Variants in SLC25A42 observed in about 807,000 individuals in gnomAD.
The protein encoded by SLC25A42 is mitochondrial coenzyme A transporter SLC25A42.
SLC25A42 carries 19 observed loss-of-function variants against 34.7 expected under a neutral mutation model. The ratio of observed to expected loss-of-function variants is 0.55; its 90% CI spans 0.38 to 0.80. SLC25A42 has a LOEUF of 0.80. SLC25A42 is among the 30% of genes least tolerant of loss of function. The pLI is 0.00. For synonymous variants in SLC25A42, 205 were observed against 191.2 expected (o/e 1.07, Z -0.59); for missense variants, 364 against 441.3 (o/e 0.82, Z 1.57).
chr19:19,084,896 A>G (rs932041671), intron 1 of SLC25A42, among the ~76,000 whole-genome samples: 1 of 151,306 alleles, frequency 6.6e-6, no homozygotes, highest in Non-Finnish European at 1.5e-5. Flanking sequence ...CAGGAGTTCC[A>G]GATCAGCCTG....
At chr19:19,078,635 A>C (rs1375813835) in intron 1 of SLC25A42, among the ~76,000 whole-genome samples, 2 of 152,314 alleles carry the variant, frequency 1.3e-5, no homozygotes, top group East Asian at 3.9e-4. Flanking sequence ...AATGTCCAGC[A>C]GCTAATCTAA....
chr19:19,106,383 A>G lies in SLC25A42; in HGVS notation c.495A>G (p.Glu165=). ...CGCGGATGGCCGTAACCCCGAAGGA[A>G]ATGTGAGTCCTTACATCGGTGATGC... The part of the protein sequence containing the change: ...VRARMAVTPK[E]MYSNIFHVFI... The change falls in exon 6 of 8, where the codon GAA becomes GAG. Residue 165 remains glutamate, a splice_region_variant and synonymous_variant. Transcript: ENST00000318596. 6.2e-7 allele frequency: 1 copy of G among 1,609,408 alleles called. No individual in the cohort carries two copies. The highest frequency in any genetic ancestry group is 8.5e-7 in the Non-Finnish European group (1 of 1,177,360).
At chr19:19,107,795 C>A in intron 6 of SLC25A42, 99 bp from the exon 7 acceptor site, 4 of 1,262,652 alleles carry the variant, frequency 3.2e-6, no homozygotes, top group South Asian at 2.5e-5. Flanking sequence ...CAGACACACC[C>A]AGGCCCAGCC....
intron 1 of SLC25A42, among the ~76,000 whole-genome samples, chr19:19,072,588 G>A (rs937933633): frequency 6.6e-6 from 1 of 152,084 alleles, no homozygotes; most frequent in Non-Finnish European, 1.5e-5. Flanking sequence ...TCGCCATGTT[G>A]GCCAGGCTGG....
Position 19,107,888 on chromosome 19 carries a change from T to G in SLC25A42, c.498-6T>G. ...TCCCACCTGCTGGGCTGCTCTGTCC[T>G]GGCAGGTACAGCAACATCTTTCATG... On this transcript the variant is annotated splice_polypyrimidine_tract_variant and splice_region_variant and intron_variant, in intron 6 of 7. Coordinates refer to ENST00000318596, the MANE Select transcript of SLC25A42 (RefSeq NM_178526.5). 1 of 1,614,044 alleles carries G rather than the reference T, an allele frequency of 6.2e-7. No individual in the cohort carries two copies. Among genetic ancestry groups the G allele is most frequent in the Non-Finnish European group, 8.5e-7 (1 of 1,179,990 alleles).
chr19:19,098,076 C>T (rs1318440210), intron 2 of SLC25A42, among the ~76,000 whole-genome samples: 1 of 152,180 alleles, frequency 6.6e-6, no homozygotes, highest in East Asian at 1.9e-4. Context: ...ATCCTTCTTT[C>T]GTAGGATCTC....
intron 1 of SLC25A42, among the ~76,000 whole-genome samples, chr19:19,076,824 C>A (rs932126368): frequency 3.3e-5 from 5 of 152,176 alleles, no homozygotes; most frequent in African/African-American, 1.2e-4. Context: ...CCCTGATATA[C>A]CCCCTAGAGG....
rs185876854 is a variant in SLC25A42, at chr19:19,106,699, G to A, written c.497+314G>A. 9.2e-4 allele frequency: 154 copies of A among 167,468 alleles called. 1 individual carries two copies. The East Asian group carries it at 0.012, about 13-fold the overall frequency. The allele number at this position is 167,468 out of a possible 1,614,324, so 10.4% of individuals were successfully genotyped here. A position where few individuals can be genotyped will look rare whatever the true frequency, so the allele number is the denominator to read the frequency against. On this transcript the variant is annotated intron_variant, in intron 6 of 7. Coordinates refer to ENST00000318596, the MANE Select transcript of SLC25A42 (RefSeq NM_178526.5). Reference sequence around the variant, plus strand: ...TGTAATCCCAACACTTTGGGAGGCCGAGGTGGGCGGATCACTTGAGGTCAG... The same window carrying A: ...TGTAATCCCAACACTTTGGGAGGCCAAGGTGGGCGGATCACTTGAGGTCAG...
chr19:19,074,014 A>C (rs2059643801), intron 1 of SLC25A42, among the ~76,000 whole-genome samples: 1 of 152,178 alleles, frequency 6.6e-6, no homozygotes, highest in Non-Finnish European at 1.5e-5. Flanking sequence ...AACCAAACAT[A>C]GGGCTTTTGA....
Position 19,109,835 on chromosome 19 carries a change from G to A in SLC25A42, c.650-734G>A, listed in dbSNP as rs564559690. ...TTCCTCCTCCACACCCACACACCCC[G>A]TTTAGACCCGCAAGACAGAGCAGGG... is the stretch of plus-strand genomic sequence containing the variant. On this transcript the variant is annotated intron_variant, in intron 7 of 7. Transcript: ENST00000318596. The surrounding 1 kb of genome is among the most constrained non-coding windows in gnomAD (Gnocchi z 4.1). Among the ~76,000 whole-genome samples, 301 of 152,238 alleles carry A rather than the reference G, an allele frequency of 2.0e-3. 1 individual carries two copies. The highest frequency in any genetic ancestry group is 6.9e-3 in the African/African-American group (287 of 41,538).
intron 2 of SLC25A42, among the ~76,000 whole-genome samples, chr19:19,101,151 G>C (rs1010845877): frequency 6.6e-6 from 1 of 152,130 alleles, no homozygotes; most frequent in Non-Finnish European, 1.5e-5. Flanking sequence ...GGAGGGCTGT[G>C]GGGGAGCAGG....
chr19:19,089,697 G>A (rs755124426), intron 1 of SLC25A42, among the ~76,000 whole-genome samples: 16 of 151,690 alleles, frequency 1.1e-4, no homozygotes, highest in African/African-American at 3.2e-4. Flanking sequence ...GTGAAACCCC[G>A]TCTCTACAGA....
chr19:19,102,107 C>G (rs2059800548), intron 3 of SLC25A42, among the ~76,000 whole-genome samples: 2 of 151,576 alleles, frequency 1.3e-5, no homozygotes, highest in South Asian at 4.1e-4. Context: ...CTCCCGGGTT[C>G]ACGCCATTCT....
At chr19:19,074,288 A>G (rs2145899876) in intron 1 of SLC25A42, among the ~76,000 whole-genome samples, 1 of 152,292 alleles carries the variant, frequency 6.6e-6, no homozygotes. Context: ...GAAACTCCCC[A>G]TTTGTGAGGC....
In SLC25A42 at chr19:19,081,461, TG is replaced by T. The variant is rs1368847173; in HGVS notation, c.-34-14627del. 6.6e-6 allele frequency among the ~76,000 whole-genome samples: 1 copy of T among 152,202 alleles called. No homozygotes were observed. The highest frequency in any genetic ancestry group is 1.5e-5 in the Non-Finnish European group (1 of 68,036). On this transcript the variant is annotated intron_variant, in intron 1 of 7. Transcript: ENST00000318596. The surrounding 1 kb of genome is among the most constrained non-coding windows in gnomAD (Gnocchi z 4.5). ...CCTCATAGCGTCCCTGGCAGTGTCA[TG>T]GGACACTCAGGTGGTACCACTAGTT...
intron 1 of SLC25A42, among the ~76,000 whole-genome samples, chr19:19,088,460 C>T (rs2059720619): frequency 6.6e-6 from 1 of 152,028 alleles, no homozygotes; most frequent in African/African-American, 2.4e-5. Flanking sequence ...CCTGCGTCGG[C>T]CTCCCAAAGT....
chr19:19,095,878 G>C lies in SLC25A42; in HGVS notation c.-34-213G>C, dbSNP rs956998939. On this transcript the variant is annotated intron_variant, in intron 1 of 7. Coordinates refer to ENST00000318596, the MANE Select transcript of SLC25A42 (RefSeq NM_178526.5). ...TCCCTGGGCACCAGATTTGGAAAAA[G>C]AACAGACTGTTTGTGAGGATTACAT... 8 of 605,570 alleles carry C rather than the reference G, an allele frequency of 1.3e-5. No homozygotes were observed. In the East Asian group the frequency reaches 1.8e-4, roughly 14 times the overall value. The allele number at this position is 605,570 out of a possible 1,614,324, so 37.5% of individuals were successfully genotyped here. A position where few individuals can be genotyped will look rare whatever the true frequency, so the allele number is the denominator to read the frequency against.
intron 1 of SLC25A42, among the ~76,000 whole-genome samples, chr19:19,082,912 G>T (rs969902160): frequency 6.6e-6 from 1 of 151,894 alleles, no homozygotes; most frequent in Non-Finnish European, 1.5e-5. Flanking sequence ...CTGCCTCCTG[G>T]GTTCAAGTGA....
intron 1 of SLC25A42, among the ~76,000 whole-genome samples, chr19:19,085,106 G>A (rs1009158249): frequency 6.6e-6 from 1 of 152,110 alleles, no homozygotes; most frequent in African/African-American, 2.4e-5. Flanking sequence ...CTTGGACTTG[G>A]CCAAACTTCC....
Sources: allele counts gnomAD v4.1 joint callset (sites outside exome capture counted in the v4.1 genomes callset), GRCh38; gene constraint gnomAD v4.1.1; non-coding constraint Gnocchi (gnomAD v3.1); transcripts MANE v1.5; gene names NCBI Gene and HGNC (gene_info 2026-07-23, HGNC 2026-07-21).